The following TANC1 variants were observed in gnomAD, a reference collection of about 807,000 sequenced individuals.
TANC1 encodes the protein tetratricopeptide repeat, ankyrin repeat and coiled-coil containing 1, also known as protein TANC1.
TANC1 carries 77 observed loss-of-function variants against 149.7 expected under a neutral mutation model. The ratio of observed to expected loss-of-function variants is 0.51; its 90% CI spans 0.43 to 0.62. The LOEUF is 0.62. Among genes scored for constraint, TANC1 ranks in the 20% least tolerant of loss-of-function variants. The pLI, the probability that TANC1 is intolerant of heterozygous loss-of-function variation, is 0.00. For synonymous variants in TANC1, 854 were observed against 925.0 expected, an observed-to-expected ratio of 0.92 and a Z score of 1.39; for missense variants, 1,985 against 2,321.8, an observed-to-expected ratio of 0.85 and a Z score of 2.98.
intron 5 of TANC1, among the ~76,000 whole-genome samples, chr2:159,140,852 G>A (rs1360654264): frequency 6.6e-5 from 10 of 151,964 alleles, no homozygotes; most frequent in East Asian, 1.9e-4. Flanking sequence ...CGCCACACCC[G>A]GCTAATTTTT....
rs909480218 is a variant in TANC1, at chr2:159,105,751, G to C, written c.259+7917G>C. 4.6e-5 allele frequency among the ~76,000 whole-genome samples: 7 copies of C among 152,176 alleles called. No homozygotes were observed. In the South Asian group the frequency reaches 6.2e-4, roughly 14 times the overall value. On this transcript the variant is annotated intron_variant, in intron 4 of 26. Transcript: ENST00000263635. ...CATTCTTGTATATTAAGATTTAAAG[G>C]CATCTCTGATATTTTTATCAGACTA...
chr2:159,095,504 A>C (rs2046009794), intron 3 of TANC1, among the ~76,000 whole-genome samples: 1 of 151,968 alleles, frequency 6.6e-6, no homozygotes, highest in East Asian at 1.9e-4. Context: ...TTTGGGGGCC[A>C]AGGCAGGTAG....
intron 1 of TANC1, among the ~76,000 whole-genome samples, chr2:158,983,624 C>A (rs569374869): frequency 1.3e-5 from 2 of 152,140 alleles, no homozygotes; most frequent in Admixed American, 6.5e-5. Context: ...GCTCCTCAGA[C>A]TTTTGTAATG....
At chr2:159,076,049 C>G (rs914541106) in intron 3 of TANC1, among the ~76,000 whole-genome samples, 2 of 152,124 alleles carry the variant, frequency 1.3e-5, no homozygotes, top group African/African-American at 4.8e-5. Context: ...ATTAGCATTT[C>G]TTTGAGATTG....
Position 159,230,902 on chromosome 2 carries a change from C to A in TANC1, c.5476C>A (p.Leu1826Met). ...ENRITKTVSHLYQESISKQQP... is the reference protein window; with the variant it reads ...ENRITKTVSHMYQESISKQQP... ...CAGGATAACTAAGACTGTTTCTCATCTGTACCAGGAAAGTATCTCCAAACA... is the reference window on the plus strand; with the variant it reads ...CAGGATAACTAAGACTGTTTCTCATATGTACCAGGAAAGTATCTCCAAACA... The change falls in exon 27 of 27, where the codon CTG (leucine) becomes ATG (methionine). Residue 1826 changes from leucine to methionine, a missense_variant. Leu to Met is a conservative substitution (Grantham distance 15). Transcript: ENST00000263635. The surrounding 1 kb of genome is among the most constrained non-coding windows in gnomAD (Gnocchi z 4.4). The A allele has an allele frequency of 6.2e-7, 1 of 1,614,190 alleles. No homozygotes were observed. The highest frequency in any genetic ancestry group is 1.7e-5 in the Admixed American group (1 of 60,022).
chr2:159,203,074 C>T (rs1420614225), intron 19 of TANC1, among the ~76,000 whole-genome samples: 1 of 152,196 alleles, frequency 6.6e-6, no homozygotes, highest in Non-Finnish European at 1.5e-5. Context: ...GGCCCTTCTG[C>T]TCCAGCACTT....
intron 4 of TANC1, among the ~76,000 whole-genome samples, chr2:159,102,735 T>TTTTTTTC (rs1313030056): frequency 5.9e-5 from 3 of 51,086 alleles, no homozygotes; most frequent in Admixed American, 2.5e-4. Flanking sequence ...TTTTTTTTTT[T>TTTTTTTC]TGAGATGGAG....
At chr2:159,197,777 G>A (rs773594297) in intron 18 of TANC1, among the ~76,000 whole-genome samples, 3 of 152,102 alleles carry the variant, frequency 2.0e-5, no homozygotes, top group Non-Finnish European at 4.4e-5. Flanking sequence ...TGGTTGGGAG[G>A]AAATGCTGAG....
intron 5 of TANC1, among the ~76,000 whole-genome samples, chr2:159,143,079 C>A (rs113298907): frequency 0.14 from 18,402 of 133,338 alleles, 1,819 homozygotes; most frequent in East Asian, 0.45. Context: ...AAAAAAAAAA[C>A]AACAAAACAA....
At chr2:159,224,516 T>C (rs2059902076) in intron 23 of TANC1, 152 bp downstream of exon 23, 2 of 849,754 alleles carry the variant, frequency 2.4e-6, no homozygotes, top group Admixed American at 2.5e-5. Context: ...ATCACCATTA[T>C]ACACAATGTG....
rs59509568 is a variant in TANC1, at chr2:159,117,701, CTT to C, written c.260-18464_260-18463del. 3.6e-3 allele frequency among the ~76,000 whole-genome samples: 410 copies of C among 113,170 alleles called. 1 individual carries two copies. Among genetic ancestry groups the C allele is most frequent in the African/African-American group, 0.014 (392 of 27,056 alleles). 74.2% of individuals were successfully genotyped at this position (113,170 alleles called of 152,430 possible). The stretch of plus-strand genomic sequence containing the variant: ...GTGAGCCACCGTGCCCGGCCTATTC[CTT>C]TTTTTTTTTTTTTTTTTTTTTTTTT... On this transcript the variant is annotated intron_variant, in intron 4 of 26. Coordinates refer to ENST00000263635, the MANE Select transcript of TANC1 (RefSeq NM_033394.3).
Position 159,059,937 on chromosome 2 carries a change from TG to T in TANC1, c.-15-5958del, listed in dbSNP as rs1456096661. Among the ~76,000 whole-genome samples the T allele has an allele frequency of 1.1e-4, 15 of 140,272 alleles. No homozygotes were observed. In the South Asian group the frequency reaches 1.6e-3, roughly 15 times the overall value. 92.0% of individuals were successfully genotyped at this position (140,272 alleles called of 152,430 possible). On this transcript the variant is annotated intron_variant, in intron 2 of 26. Coordinates refer to ENST00000263635, the MANE Select transcript of TANC1 (RefSeq NM_033394.3). The stretch of plus-strand genomic sequence containing the variant: ...GTGTGTGTGTGTGTGTGTGGTTTTT[TG>T]TTGTTGTTGTTTTTTTTTTTTGGTC...
intron 2 of TANC1, among the ~76,000 whole-genome samples, chr2:159,011,792 A>T (rs1225252201): frequency 6.6e-6 from 1 of 152,196 alleles, no homozygotes; most frequent in East Asian, 1.9e-4. Context: ...AAAAGTGTAC[A>T]TCCCACTCCC....
chr2:159,206,612 A>G (rs779366829), intron 19 of TANC1, among the ~76,000 whole-genome samples: 2 of 152,248 alleles, frequency 1.3e-5, no homozygotes, highest in Non-Finnish European at 2.9e-5. Flanking sequence ...AATAAAAAAT[A>G]CTTCTGCCTT....
At chr2:159,187,996 C>G (rs1382620728) in intron 16 of TANC1, among the ~76,000 whole-genome samples, 1 of 152,152 alleles carries the variant, frequency 6.6e-6, no homozygotes, top group East Asian at 1.9e-4. Flanking sequence ...GCATGGCCCT[C>G]CTGAGATTAT....
At chr2:159,042,968 A>C (rs2040770120) in intron 2 of TANC1, among the ~76,000 whole-genome samples, 1 of 152,182 alleles carries the variant, frequency 6.6e-6, no homozygotes, top group Non-Finnish European at 1.5e-5. Flanking sequence ...TATTAGCATC[A>C]CATAAACAGA....
At position 159,176,226 on chromosome 2, in the gene TANC1, G is replaced by GT; in HGVS notation, c.1736-123dup. The GT allele has an allele frequency of 9.5e-6, 5 of 527,178 alleles. No homozygotes were observed. The South Asian group carries it at 1.6e-4, about 17-fold the overall frequency. 32.7% of individuals were successfully genotyped at this position (527,178 alleles called of 1,614,324 possible). On this transcript the variant is annotated intron_variant, in intron 12 of 26. Transcript: ENST00000263635. ...TAGAAAATATGCTTCTGTGAAAACTGTTTCTTGTGCCATATGTAAACCTTT... is the reference window on the plus strand; with the variant it reads ...TAGAAAATATGCTTCTGTGAAAACTGTTTTCTTGTGCCATATGTAAACCTTT...
chr2:159,095,463 G>C (rs1173042612), intron 3 of TANC1, among the ~76,000 whole-genome samples: 1 of 152,064 alleles, frequency 6.6e-6, no homozygotes, highest in Admixed American at 6.6e-5. Context: ...TGCTGGCCAG[G>C]CGCTGTGGCT....
intron 15 of TANC1, 131 bp from the exon 16 acceptor site, chr2:159,186,771 C>T: frequency 9.0e-7 from 1 of 1,113,108 alleles, no homozygotes; most frequent in East Asian, 2.4e-5. Flanking sequence ...TTGTGTGTGA[C>T]CCCGTGCCTT....
Sources: allele counts gnomAD v4.1 joint callset (sites outside exome capture counted in the v4.1 genomes callset), GRCh38; gene constraint gnomAD v4.1.1; non-coding constraint Gnocchi (gnomAD v3.1); transcripts MANE v1.5; gene names NCBI Gene and HGNC (gene_info 2026-07-23, HGNC 2026-07-21).